Variants in PCDH7 observed in about 807,000 individuals in gnomAD.
PCDH7 encodes the protein protocadherin 7, also known as protocadherin-7.
Under a neutral mutation model 58.9 loss-of-function variants are expected in PCDH7, and 17 were observed. The observed-to-expected ratio is 0.29, with a 90% CI of 0.20 to 0.43. The LOEUF (loss-of-function observed/expected upper bound fraction) is 0.43. Ranked by LOEUF, PCDH7 falls within the 20% of genes least tolerant of loss-of-function variation. The pLI is 1.00. For missense variants in PCDH7, 1,274 were observed against 1,441.0 expected (o/e 0.88, Z 1.88); for synonymous variants, 664 against 616.4 (o/e 1.08, Z -1.14).
chr4:30,840,273 C>G (rs181312940), intron 1 of PCDH7, among the ~76,000 whole-genome samples: 2 of 152,196 alleles, frequency 1.3e-5, no homozygotes, highest in Admixed American at 1.3e-4. Context: ...CCTTGTCTCC[C>G]TGCCTTGCTC....
chr4:30,924,790 A>G (rs2109419317), intron 2 of PCDH7, among the ~76,000 whole-genome samples: 1 of 149,678 alleles, frequency 6.7e-6, no homozygotes, highest in Non-Finnish European at 1.5e-5. Flanking sequence ...CTTACTTAAC[A>G]ATGTGAACTT....
chr4:30,771,673 A>AT (rs1221980427), intron 1 of PCDH7, among the ~76,000 whole-genome samples: 1 of 152,202 alleles, frequency 6.6e-6, no homozygotes, highest in African/African-American at 2.4e-5. Context: ...TAACTTTAAG[A>AT]TTTTAACAAA....
chr4:30,985,280 A>G (rs1201885705), intron 3 of PCDH7, among the ~76,000 whole-genome samples: 2 of 151,876 alleles, frequency 1.3e-5, no homozygotes, highest in East Asian at 3.9e-4. Context: ...ATGCTTAGAA[A>G]CTTCATTTGT....
At chr4:31,056,478 A>C (rs1757214042) in intron 3 of PCDH7, among the ~76,000 whole-genome samples, 1 of 142,800 alleles carries the variant, frequency 7.0e-6, no homozygotes, top group Non-Finnish European at 1.5e-5. Context: ...AGAAAGAAAG[A>C]AAGAAAGAAA....
At chr4:30,828,833 GT>G (rs1209096895) in intron 1 of PCDH7, among the ~76,000 whole-genome samples, 14 of 147,290 alleles carry the variant, frequency 9.5e-5, no homozygotes, top group East Asian at 3.9e-4. Flanking sequence ...TGGCCCTGAG[GT>G]TTTTTTTTTG....
chr4:30,966,883 A>G (rs998915900), intron 3 of PCDH7, among the ~76,000 whole-genome samples: 2 of 152,152 alleles, frequency 1.3e-5, no homozygotes, highest in Non-Finnish European at 2.9e-5. Flanking sequence ...GAAGAGCATC[A>G]AAATGGAAAC....
chr4:30,724,008 C>T, exon 1 of PCDH7: 1 of 1,614,108 alleles, frequency 6.2e-7, no homozygotes, highest in Non-Finnish European at 8.5e-7. Flanking sequence ...TCCCACTCAC[C>T]CAGGATATAG....
In PCDH7 at chr4:30,767,397, A is replaced by G. The variant is rs564211818; in HGVS notation, c.70+42801A>G. Among the ~76,000 whole-genome samples, 5 of 152,302 alleles carry G rather than the reference A, an allele frequency of 3.3e-5. No individual in the cohort carries two copies. In the South Asian group the frequency reaches 6.2e-4, roughly 19 times the overall value. On this transcript the variant is annotated intron_variant, in intron 1 of 3. Transcript: ENST00000509759. ...AGTAGGGACCCCTAGGGAAAATTTC[A>G]GTGCCACAGGAAGTGATGCTAACGA...
At chr4:31,116,885 G>T (rs1717059486) in intron 3 of PCDH7, among the ~76,000 whole-genome samples, 1 of 152,072 alleles carries the variant, frequency 6.6e-6, no homozygotes, top group Admixed American at 6.6e-5. Flanking sequence ...GCCCAGGCTG[G>T]AGTGCAATGG....
chr4:30,938,354 G>A (rs533437395), intron 2 of PCDH7, among the ~76,000 whole-genome samples: 1 of 152,086 alleles, frequency 6.6e-6, no homozygotes, highest in South Asian at 2.1e-4. Flanking sequence ...ACAAATTTTA[G>A]GACAAATATT....
At chr4:30,765,125 C>CTATTTTTTTTTTT in intron 1 of PCDH7, among the ~76,000 whole-genome samples, 1 of 49,198 alleles carries the variant, frequency 2.0e-5, no homozygotes. Flanking sequence ...ACTTCAGATG[C>CTATTTTTTTTTTT]TTTTTTTTTT....
intron 1 of PCDH7, among the ~76,000 whole-genome samples, chr4:30,802,262 C>G (rs1333776670): frequency 6.7e-6 from 1 of 149,926 alleles, no homozygotes; most frequent in Non-Finnish European, 1.5e-5. Flanking sequence ...TATAGCATTT[C>G]TAATAGTTTC....
At chr4:30,728,279 A>G (rs910099625) in intron 1 of PCDH7, among the ~76,000 whole-genome samples, 37 of 109,872 alleles carry the variant, frequency 3.4e-4, no homozygotes, top group African/African-American at 1.1e-3. Context: ...ATACATATGT[A>G]TATATATATA....
intron 3 of PCDH7, among the ~76,000 whole-genome samples, chr4:31,125,370 A>G (rs558359539): frequency 3.9e-5 from 6 of 152,344 alleles, no homozygotes; most frequent in South Asian, 4.1e-4. Flanking sequence ...AGTTACCACT[A>G]TATCTGACAT....
intron 1 of PCDH7, among the ~76,000 whole-genome samples, chr4:30,789,496 A>G (rs1300624545): frequency 6.6e-6 from 1 of 152,236 alleles, no homozygotes. Context: ...TTTACTTGCA[A>G]AGTGCCTCAC....
intron 1 of PCDH7, among the ~76,000 whole-genome samples, chr4:30,772,097 T>C (rs1211250644): frequency 3.3e-5 from 5 of 152,158 alleles, no homozygotes; most frequent in Non-Finnish European, 7.4e-5. Flanking sequence ...CTCAAACTCC[T>C]GACCTCAGGT....
intron 3 of PCDH7, among the ~76,000 whole-genome samples, chr4:31,141,423 T>C (rs1230965706): frequency 6.6e-6 from 1 of 152,228 alleles, no homozygotes; most frequent in Admixed American, 6.5e-5. Context: ...ATAAAACCCT[T>C]CAGGTTATTG....
intron 3 of PCDH7, among the ~76,000 whole-genome samples, chr4:31,063,927 A>G (rs1392374563): frequency 6.6e-6 from 1 of 151,968 alleles, no homozygotes; most frequent in East Asian, 1.9e-4. Context: ...GCTGGTAGTA[A>G]CTGGAGAAGA....
chr4:31,040,907 G>T (rs1755809818), intron 3 of PCDH7, among the ~76,000 whole-genome samples: 1 of 151,150 alleles, frequency 6.6e-6, no homozygotes, highest in South Asian at 2.1e-4. Flanking sequence ...TGATGTGTGT[G>T]CTGAGAAAAA....
Sources: allele counts gnomAD v4.1 joint callset (sites outside exome capture counted in the v4.1 genomes callset), GRCh38; gene constraint gnomAD v4.1.1; transcripts MANE v1.5; gene names NCBI Gene and HGNC (gene_info 2026-07-23, HGNC 2026-07-21).